The following CHCHD7 variants were observed in gnomAD, a reference collection of about 807,000 sequenced individuals.
CHCHD7 encodes coiled-coil-helix-coiled-coil-helix domain-containing protein 7.
In CHCHD7, 7 loss-of-function variants were observed where a neutral mutation model predicts 10.5. The observed-to-expected ratio is 0.67, with a 90% CI of 0.38 to 1.25. CHCHD7 has a LOEUF of 1.25. Ranked by LOEUF, CHCHD7 falls within the 50% of genes most tolerant of loss-of-function variation. The pLI is 0.02. For synonymous variants in CHCHD7, 40 were observed against 36.0 expected (o/e 1.11, Z -0.40); for missense variants, 100 against 104.5 (o/e 0.96, Z 0.19).
chr8:56,213,223 C>T, intron 1 of CHCHD7: 1 of 213,936 alleles, frequency 4.7e-6, no homozygotes, highest in Admixed American at 5.8e-5. Flanking sequence ...TTACTGTTGG[C>T]TGGTTATTTT....
intron 1 of CHCHD7, chr8:56,213,337 C>G (rs1187684473): frequency 6.6e-6 from 1 of 152,324 alleles, no homozygotes; most frequent in South Asian, 2.1e-4. Context: ...AAAGGCTGGT[C>G]TCCTTTGGCC....
Position 56,217,206 on chromosome 8 carries a change from T to A in CHCHD7, c.154-125T>A, listed in dbSNP as rs57166494. ...TAATTAGGTTTTGGGATTTTTTTTT[T>A]AAAAAAAACTTGGTTTTTAGAATTT... On this transcript the variant is annotated intron_variant, in intron 3 of 3. Coordinates refer to ENST00000355315, the MANE Select transcript of CHCHD7 (RefSeq NM_001011671.3). The A allele has an allele frequency of 7.7e-3, 4,171 of 543,094 alleles. 75 individuals carry two copies. Among genetic ancestry groups the A allele is most frequent in the African/African-American group, 0.043 (2,185 of 51,076 alleles). 33.6% of individuals were successfully genotyped at this position (543,094 alleles called of 1,614,324 possible). A position where few individuals can be genotyped will look rare whatever the true frequency, so the allele number is the denominator to read the frequency against.
At chr8:56,214,355 G>A (rs1813212299) in intron 1 of CHCHD7, 1 of 314,230 alleles carries the variant, frequency 3.2e-6, no homozygotes, top group African/African-American at 2.1e-5. Flanking sequence ...ACAGGCGTGA[G>A]ACACCGCACC....
chr8:56,217,196 A>AT (rs576643306), intron 3 of CHCHD7, 135 bp from the exon 4 acceptor site: 1,680 of 538,518 alleles, frequency 3.1e-3, no homozygotes, highest in African/African-American at 5.5e-3. Flanking sequence ...AGGTTTTGGG[A>AT]TTTTTTTTTT....
At chr8:56,212,949 AG>A (rs754225340) in intron 1 of CHCHD7, 8 of 1,259,556 alleles carry the variant, frequency 6.4e-6, no homozygotes, top group Non-Finnish European at 9.3e-6. Context: ...AATAAAATAT[AG>A]AGTAGGATAC....
At chr8:56,214,436 C>A in intron 1 of CHCHD7, 162 bp from the exon 2 acceptor site, 2 of 515,132 alleles carry the variant, frequency 3.9e-6, no homozygotes, top group Non-Finnish European at 7.0e-6. Flanking sequence ...AGGAAAAACA[C>A]GTTCAAGTTT....
chr8:56,218,330 GGGGTAGACT>G lies in CHCHD7; in HGVS notation c.*897_*905del, dbSNP rs1300504946. Reference sequence around the variant, plus strand: ...AATACGATTATTCAATGTGGTGACTGGGGTAGACTGTGAAGCAGCCCTCCTTATGCCCAC... The same window carrying G: ...AATACGATTATTCAATGTGGTGACTGGTGAAGCAGCCCTCCTTATGCCCAC... On this transcript the variant is annotated 3_prime_UTR_variant, in exon 4 of 4. Transcript: ENST00000355315. 1.3e-5 allele frequency: 3 copies of G among 228,646 alleles called. No individual in the cohort carries two copies. The highest frequency in any genetic ancestry group is 2.6e-5 in the Non-Finnish European group (3 of 115,296). 14.2% of individuals were successfully genotyped at this position (228,646 alleles called of 1,614,324 possible). A position where few individuals can be genotyped will look rare whatever the true frequency, so the allele number is the denominator to read the frequency against.
At chr8:56,216,351 G>A in intron 2 of CHCHD7, 82 bp from the exon 3 acceptor site, 1 of 1,577,476 alleles carries the variant, frequency 6.3e-7, no homozygotes, top group Non-Finnish European at 8.6e-7. Flanking sequence ...TTTGCTTCTG[G>A]GGAAGCAGCT....
intron 1 of CHCHD7, chr8:56,213,741 G>C (rs117869638): frequency 6.6e-6 from 1 of 152,224 alleles, no homozygotes; most frequent in Non-Finnish European, 1.5e-5. Flanking sequence ...CAGGGAAATA[G>C]TTAAAAAGAA....
chr8:56,217,017 G>T, intron 3 of CHCHD7: 1 of 414,726 alleles, frequency 2.4e-6, no homozygotes. Flanking sequence ...ATGCACTGTT[G>T]GTTTTATTTC....
In CHCHD7 at chr8:56,217,384, G is replaced by A. The variant is rs755519377; in HGVS notation, c.207G>A (p.Thr69=). 2.6e-5 allele frequency: 42 copies of A among 1,612,710 alleles called. No homozygotes were observed. Among genetic ancestry groups the A allele is most frequent in the Admixed American group, 8.3e-5 (5 of 59,994 alleles). ...RKNGVKPFMP[T]AAERDEILRA... ...ACGGAGTGAAGCCATTTATGCCTAC[G>A]GCAGCAGAAAGAGATGAAATCTTGA... The change falls in exon 4 of 4, where the codon ACG becomes ACA. Residue 69 remains threonine (T), a synonymous_variant. Coordinates refer to ENST00000355315, the MANE Select transcript of CHCHD7 (RefSeq NM_001011671.3).
chr8:56,218,319 A>G lies in CHCHD7; in HGVS notation c.*884A>G, dbSNP rs964597337. On this transcript the variant is annotated 3_prime_UTR_variant, in exon 4 of 4. Coordinates refer to ENST00000355315, the MANE Select transcript of CHCHD7 (RefSeq NM_001011671.3). ...GATATAAACACAATACGATTATTCA[A>G]TGTGGTGACTGGGGTAGACTGTGAA... is the stretch of plus-strand genomic sequence containing the variant. 26 of 228,854 alleles carry G rather than the reference A, an allele frequency of 1.1e-4. No homozygotes were observed. The highest frequency in any genetic ancestry group is 4.0e-4 in the Admixed American group (7 of 17,604). 14.2% of individuals were successfully genotyped at this position (228,854 alleles called of 1,614,324 possible).
At position 56,217,581 on chromosome 8, in the gene CHCHD7, T is replaced by G. The variant is rs1239706249; in HGVS notation, c.*146T>G. ...AGACAGTGAAGTCACCCCGTGTCCT[T>G]TTTGCTTGCTCTCAGTGCCATGCCG... On this transcript the variant is annotated 3_prime_UTR_variant, in exon 4 of 4. Transcript: ENST00000355315. 1 of 543,778 alleles carries G rather than the reference T, an allele frequency of 1.8e-6. No individual in the cohort carries two copies. The highest frequency in any genetic ancestry group is 1.9e-5 in the African/African-American group (1 of 51,746). 33.7% of individuals were successfully genotyped at this position (543,778 alleles called of 1,614,324 possible).
chr8:56,218,581 T>C lies in CHCHD7; in HGVS notation c.*1146T>C, dbSNP rs900310584. The C allele has an allele frequency of 4.8e-5, 10 of 206,590 alleles. No homozygotes were observed. Among genetic ancestry groups the C allele is most frequent in the Non-Finnish European group, 9.9e-5 (10 of 101,358 alleles). The allele number at this position is 206,590 out of a possible 1,614,324, so 12.8% of individuals were successfully genotyped here. ...AAGCCACATGACCTTGATTGTTAAA[T>C]GTAGTTATATTTGAATAAAAAATGA... On this transcript the variant is annotated 3_prime_UTR_variant, in exon 4 of 4. Coordinates refer to ENST00000355315, the MANE Select transcript of CHCHD7 (RefSeq NM_001011671.3).
rs535724989 is a variant in CHCHD7 at position 56,213,275 on chromosome 8, A to G, written c.-16-1323A>G. The G allele has an allele frequency of 2.3e-4, 37 of 163,260 alleles. No homozygotes were observed. The East Asian group carries it at 5.7e-3, about 25-fold the overall frequency. The allele number at this position is 163,260 out of a possible 1,614,324, so 10.1% of individuals were successfully genotyped here. ...AAAATCATAAAATTATTATTCAGTGATTACTTAATGGACACCAGAATAACC... is the reference window on the plus strand; with the variant it reads ...AAAATCATAAAATTATTATTCAGTGGTTACTTAATGGACACCAGAATAACC... On this transcript the variant is annotated intron_variant, in intron 1 of 3. Transcript: ENST00000355315.
rs2129240492 is a variant in CHCHD7, at chr8:56,214,458, G to A, written c.-16-140G>A. The A allele has an allele frequency of 5.2e-6, 3 of 581,394 alleles. No individual in the cohort carries two copies. The South Asian group carries it at 7.2e-5, about 14-fold the overall frequency. 36.0% of individuals were successfully genotyped at this position (581,394 alleles called of 1,614,324 possible). On this transcript the variant is annotated intron_variant, in intron 1 of 3. Coordinates refer to ENST00000355315, the MANE Select transcript of CHCHD7 (RefSeq NM_001011671.3). ...ACACGTTCAAGTTTTTATTCACAAA[G>A]TACAGAGAATACATGAAGTTCCTCA...
At chr8:56,217,009 G>T (rs1300798418) in intron 3 of CHCHD7, 1 of 418,396 alleles carries the variant, frequency 2.4e-6, no homozygotes, top group East Asian at 5.1e-5. Flanking sequence ...TTTGCTAAAT[G>T]CACTGTTGGT....
chr8:56,214,796 A>G (rs1426673057), intron 2 of CHCHD7, 129 bp downstream of exon 2: 4 of 631,228 alleles, frequency 6.3e-6, no homozygotes, highest in Non-Finnish European at 8.4e-6. Context: ...GTTGGCCAGC[A>G]TATCCTATTT....
At chr8:56,212,847 GGAAAT>G (rs767445168) in intron 1 of CHCHD7, 56 of 1,603,300 alleles carry the variant, frequency 3.5e-5, no homozygotes, top group Non-Finnish European at 4.5e-5. Flanking sequence ...GGAAGGAAAA[GGAAAT>G]GAAATGTGAA....
Sources: allele counts gnomAD v4.1 joint callset, GRCh38; gene constraint gnomAD v4.1.1; transcripts MANE v1.5; gene names NCBI Gene and HGNC (gene_info 2026-07-23, HGNC 2026-07-21).